The following BACE2 variants were observed in gnomAD, a reference collection of about 807,000 sequenced individuals.
BACE2 encodes the protein beta-secretase 2.
A neutral mutation model predicts 46.2 loss-of-function variants in BACE2; 17 were observed. The observed-to-expected ratio is 0.37, with a 90% CI of 0.25 to 0.55. BACE2 has a LOEUF of 0.55. BACE2 is among the 20% of genes least tolerant of loss of function. The pLI is 0.82. For missense variants in BACE2, 595 were observed against 698.1 expected, an observed-to-expected ratio of 0.85 and a Z score of 1.66; for synonymous variants, 277 against 295.9, an observed-to-expected ratio of 0.94 and a Z score of 0.66.
At chr21:41,204,157 C>T (rs986822885) in intron 1 of BACE2, among the ~76,000 whole-genome samples, 41 of 152,200 alleles carry the variant, frequency 2.7e-4, no homozygotes, top group Non-Finnish European at 2.6e-4. Context: ...GCTGGAATTA[C>T]AGGCACTCAC....
At position 41,275,545 on chromosome 21, in the gene BACE2, C is replaced by T. The variant is rs1411514920; in HGVS notation, c.1478C>T (p.Pro493Leu). The change falls in exon 9 of 9, where the codon CCG becomes CTG. Residue 493 changes from proline (P) to leucine (L), a missense_variant. Coordinates refer to ENST00000330333, the MANE Select transcript of BACE2 (RefSeq NM_012105.5). ...LLVLIVLLLL[P>L]FRCQRRPRDP... ...GTCTTAATCGTCCTGCTGCTGCTGCCGTTCCGGTGTCAGCGTCGCCCCCGT... is the reference window on the plus strand; with the variant it reads ...GTCTTAATCGTCCTGCTGCTGCTGCTGTTCCGGTGTCAGCGTCGCCCCCGT... 6 of 1,614,072 alleles carry T rather than the reference C, an allele frequency of 3.7e-6. No homozygotes were observed. The highest frequency in any genetic ancestry group is 2.5e-6 in the Non-Finnish European group (3 of 1,180,016).
intron 5 of BACE2, 79 bp from the exon 6 acceptor site, chr21:41,245,883 G>A: frequency 9.8e-7 from 1 of 1,017,308 alleles, no homozygotes. Flanking sequence ...ACAGACAGAT[G>A]GTGATGGCGG....
At chr21:41,186,729 G>T (rs115526758) in intron 1 of BACE2, 3 of 152,278 alleles carry the variant, frequency 2.0e-5, no homozygotes, top group African/African-American at 7.2e-5. Flanking sequence ...GCACAGCAGC[G>T]CCAGAGATGC....
chr21:41,230,994 C>T (rs893541969), intron 2 of BACE2, among the ~76,000 whole-genome samples: 2 of 152,204 alleles, frequency 1.3e-5, no homozygotes, highest in African/African-American at 4.8e-5. Context: ...ATTAAAATGT[C>T]TCCTTACTTC....
intron 2 of BACE2, among the ~76,000 whole-genome samples, chr21:41,237,141 A>T (rs1987145855): frequency 6.6e-6 from 1 of 152,144 alleles, no homozygotes; most frequent in Non-Finnish European, 1.5e-5. Flanking sequence ...GGGAACATGG[A>T]TACATAAGAG....
At chr21:41,249,524 C>T (rs549265942) in intron 6 of BACE2, among the ~76,000 whole-genome samples, 1 of 152,306 alleles carries the variant, frequency 6.6e-6, no homozygotes, top group East Asian at 1.9e-4. Context: ...CCCTCGTTCC[C>T]TCCCCACCTC....
rs374904958 is a variant in BACE2 at position 41,216,175 on chromosome 21, A to G, written c.313-10091A>G. On this transcript the variant is annotated intron_variant, in intron 1 of 8. Coordinates refer to ENST00000330333, the MANE Select transcript of BACE2 (RefSeq NM_012105.5). ...GTGATGGTCCTGGCTAGAATTCAACACGAGAAAGGTCCATTTCCAGTGTCA... is the reference window on the plus strand; with the variant it reads ...GTGATGGTCCTGGCTAGAATTCAACGCGAGAAAGGTCCATTTCCAGTGTCA... Among the ~76,000 whole-genome samples, 111 of 152,314 alleles carry G rather than the reference A, an allele frequency of 7.3e-4. 3 individuals carry two copies. The South Asian group carries it at 0.017, about 24-fold the overall frequency.
intron 1 of BACE2, among the ~76,000 whole-genome samples, chr21:41,208,666 C>CG (rs1986206181): frequency 6.6e-6 from 1 of 152,060 alleles, no homozygotes; most frequent in South Asian, 2.1e-4. Flanking sequence ...GGCAGGGGTA[C>CG]AGGGTAAGGG....
chr21:41,177,245 G>GC (rs1984888862), intron 1 of BACE2: 3 of 152,250 alleles, frequency 2.0e-5, no homozygotes, highest in Admixed American at 2.0e-4. Flanking sequence ...ACGTGTGCCT[G>GC]CCTCCCCAGT....
intron 1 of BACE2, among the ~76,000 whole-genome samples, chr21:41,189,560 C>G (rs1453573472): frequency 6.6e-6 from 1 of 152,174 alleles, no homozygotes; most frequent in Non-Finnish European, 1.5e-5. Flanking sequence ...TTATCTGTCT[C>G]CTCCAAGTTC....
intron 1 of BACE2, among the ~76,000 whole-genome samples, chr21:41,201,590 G>C (rs994340481): frequency 2.6e-5 from 4 of 152,240 alleles, no homozygotes; most frequent in African/African-American, 9.6e-5. Flanking sequence ...AGGCTCCTCA[G>C]GGGAGAGAAG....
intron 2 of BACE2, among the ~76,000 whole-genome samples, chr21:41,229,248 CAG>C (rs754816353): frequency 1.5e-4 from 23 of 152,230 alleles, no homozygotes; most frequent in African/African-American, 2.2e-4. Context: ...GCTCAGCACA[CAG>C]GGGCAGAACC....
In BACE2 at chr21:41,280,741, T is replaced by C. The variant is rs1352685240; in HGVS notation, c.*5117T>C. ...CAGTGGCTGGAATCTATCACAGCTG[T>C]TGGGGATACGTAACTCCCAGCAATA... On this transcript the variant is annotated 3_prime_UTR_variant, in exon 9 of 9. Transcript: ENST00000330333. 4 of 152,232 alleles carry C rather than the reference T, an allele frequency of 2.6e-5. No individual in the cohort carries two copies. Among genetic ancestry groups the C allele is most frequent in the African/African-American group, 4.8e-5 (2 of 41,470 alleles). The allele number at this position is 152,232 out of a possible 1,614,324, so 9.4% of individuals were successfully genotyped here. A position where few individuals can be genotyped will look rare whatever the true frequency, so the allele number is the denominator to read the frequency against.
intron 1 of BACE2, among the ~76,000 whole-genome samples, chr21:41,171,156 A>T (rs965263053): frequency 8.5e-5 from 13 of 152,196 alleles, no homozygotes; most frequent in African/African-American, 2.7e-4. Context: ...GTACACCCCA[A>T]GGTGTTAGGG....
chr21:41,243,914 G>GT (rs1987378626), intron 5 of BACE2, among the ~76,000 whole-genome samples: 1 of 125,040 alleles, frequency 8.0e-6, no homozygotes, highest in African/African-American at 4.4e-5. Context: ...AAGATCATCA[G>GT]CTTTTATCCT....
At position 41,168,342 on chromosome 21, in the gene BACE2, G is replaced by C; in HGVS notation, c.79G>C (p.Ala27Pro). 1.5e-6 allele frequency: 2 copies of C among 1,372,122 alleles called. No homozygotes were observed. 85.0% of individuals were successfully genotyped at this position (1,372,122 alleles called of 1,614,324 possible). A position where few individuals can be genotyped will look rare whatever the true frequency, so the allele number is the denominator to read the frequency against. Residue 27 changes from alanine (A) to proline (P), a missense_variant, in exon 1 of 9, where the codon GCG becomes CCG. Physicochemically the swap from Ala to Pro is conservative, Grantham distance 27. Transcript: ENST00000330333. ...LLRAAPELAP[A>P]PFTLPLRVAA... ...GCGCGCCGCCCCGGAGCTGGCCCCC[G>C]CGCCCTTCACGCTGCCCCTCCGGGT...
chr21:41,233,258 A>G (rs1397851889), intron 2 of BACE2, among the ~76,000 whole-genome samples: 2 of 152,230 alleles, frequency 1.3e-5, no homozygotes, highest in African/African-American at 2.4e-5. Context: ...TTTGTTCTAC[A>G]TGCTTTACAA....
intron 5 of BACE2, among the ~76,000 whole-genome samples, chr21:41,244,338 G>A (rs1987393425): frequency 6.6e-6 from 1 of 152,168 alleles, no homozygotes. Context: ...TCACCTGGGT[G>A]CAGGTGGGCT....
chr21:41,197,557 T>G (rs891716064), intron 1 of BACE2, among the ~76,000 whole-genome samples: 1 of 152,146 alleles, frequency 6.6e-6, no homozygotes, highest in African/African-American at 2.4e-5. Flanking sequence ...ACTACCAAAA[T>G]GGAGTAAGTT....
Sources: gnomAD v4.1 joint callset for allele counts (sites outside exome capture counted in the v4.1 genomes callset) on GRCh38, gnomAD v4.1.1 for gene constraint, MANE v1.5 for transcripts, NCBI Gene and HGNC (gene_info 2026-07-23, HGNC 2026-07-21) for gene names.